The following OMA1 variants were observed in gnomAD, a reference collection of about 807,000 sequenced individuals.
OMA1 encodes metalloendopeptidase OMA1, mitochondrial.
Under a neutral mutation model 30.9 loss-of-function variants are expected in OMA1, and 38 were observed. The observed-to-expected ratio is 1.23, with a 90% CI of 0.95 to 1.61. The LOEUF (loss-of-function observed/expected upper bound fraction) is 1.61, where lower values mean the gene tolerates loss of function less well. Ranked by LOEUF, OMA1 falls within the 40% of genes most tolerant of loss-of-function variation. The probability of loss-of-function intolerance (pLI) is 0.00; values close to 1 mark genes in which losing one functional copy is unlikely to be tolerated. For missense variants in OMA1, 461 were observed against 349.2 expected (o/e 1.32, Z -2.55); for synonymous variants, 173 against 121.9 (o/e 1.42, Z -2.76).
chr1:58,484,357 T>G (rs1483972371), intron 8 of OMA1, among the ~76,000 whole-genome samples: 1 of 152,174 alleles, frequency 6.6e-6, no homozygotes, highest in Non-Finnish European at 1.5e-5. Flanking sequence ...GATCAAAGAG[T>G]AAGCACAGGT....
intron 8 of OMA1, among the ~76,000 whole-genome samples, chr1:58,483,658 T>C (rs904360167): frequency 6.6e-6 from 1 of 152,186 alleles, no homozygotes; most frequent in African/African-American, 2.4e-5. Context: ...CTATAGCACT[T>C]ACAGCACTTA....
At chr1:58,487,098 C>T (rs888490038) in intron 8 of OMA1, among the ~76,000 whole-genome samples, 1 of 152,126 alleles carries the variant, frequency 6.6e-6, no homozygotes, top group African/African-American at 2.4e-5. Context: ...AACGTGACAT[C>T]GTGAGGTGAA....
intron 7 of OMA1, among the ~76,000 whole-genome samples, chr1:58,520,707 T>C (rs1646248142): frequency 6.6e-6 from 1 of 152,086 alleles, no homozygotes; most frequent in South Asian, 2.1e-4. Flanking sequence ...GCAAGAAGTA[T>C]TACTAGAGAC....
At chr1:58,489,439 G>T (rs1405254718) in intron 8 of OMA1, among the ~76,000 whole-genome samples, 1 of 152,200 alleles carries the variant, frequency 6.6e-6, no homozygotes, top group African/African-American at 2.4e-5. Context: ...AAACAAAGCA[G>T]CTGGGAAGCT....
chr1:58,491,093 C>A (rs1645679694), intron 8 of OMA1, among the ~76,000 whole-genome samples: 1 of 152,146 alleles, frequency 6.6e-6, no homozygotes, highest in East Asian at 1.9e-4. Flanking sequence ...AGGCGTGAAC[C>A]ACTGCACCCG....
intron 2 of OMA1, among the ~76,000 whole-genome samples, chr1:58,537,872 T>C (rs1193542407): frequency 6.6e-6 from 1 of 152,126 alleles, no homozygotes; most frequent in Non-Finnish European, 1.5e-5. Flanking sequence ...TTTTAGGTGA[T>C]CAACAATAGT....
At chr1:58,504,758 A>C (rs1645960224) in intron 8 of OMA1, among the ~76,000 whole-genome samples, 1 of 152,202 alleles carries the variant, frequency 6.6e-6, no homozygotes, top group Non-Finnish European at 1.5e-5. Flanking sequence ...ATCTTCCTTC[A>C]AACTGCATAC....
intron 5 of OMA1, among the ~76,000 whole-genome samples, chr1:58,531,796 G>T (rs753336192): frequency 6.6e-6 from 1 of 151,766 alleles, no homozygotes; most frequent in East Asian, 1.9e-4. Flanking sequence ...TGCAACCTCC[G>T]CCTCCAGGTT....
At chr1:58,544,797 T>C (rs1198398774) in intron 1 of OMA1, among the ~76,000 whole-genome samples, 1 of 152,200 alleles carries the variant, frequency 6.6e-6, no homozygotes, top group African/African-American at 2.4e-5. Flanking sequence ...TTTCGGCAAA[T>C]TGCCCAGGCT....
intron 8 of OMA1, among the ~76,000 whole-genome samples, chr1:58,488,526 A>G (rs1050081440): frequency 2.6e-5 from 4 of 152,152 alleles, no homozygotes; most frequent in African/African-American, 9.7e-5. Context: ...ATCTCAGATC[A>G]CTGCAACCTC....
chr1:58,519,197 T>C (rs945041389), intron 7 of OMA1, among the ~76,000 whole-genome samples: 2 of 152,232 alleles, frequency 1.3e-5, no homozygotes, highest in African/African-American at 4.8e-5. Context: ...TACTCCCTTT[T>C]CCACTGCCAA....
chr1:58,542,508 A>G (rs1463109918), intron 1 of OMA1: 3 of 152,232 alleles, frequency 2.0e-5, no homozygotes, highest in Non-Finnish European at 2.9e-5. Flanking sequence ...AAAGACATCC[A>G]TGAGTAGCTG....
At chr1:58,495,610 T>A (rs1645786437) in intron 8 of OMA1, among the ~76,000 whole-genome samples, 1 of 152,122 alleles carries the variant, frequency 6.6e-6, no homozygotes. Context: ...AATTCCTGAT[T>A]GTCAGTAGAT....
intron 5 of OMA1, among the ~76,000 whole-genome samples, chr1:58,532,785 C>T (rs1049871102): frequency 1.2e-4 from 18 of 152,194 alleles, no homozygotes; most frequent in Admixed American, 8.5e-4. Context: ...CTCAGCCTCT[C>T]AAAGTGCTGG....
chr1:58,488,273 T>C (rs897757188), intron 8 of OMA1, among the ~76,000 whole-genome samples: 6 of 152,232 alleles, frequency 3.9e-5, no homozygotes, highest in Non-Finnish European at 7.3e-5. Context: ...TTTTGTTATA[T>C]TAATTTTACT....
At chr1:58,528,405 T>A (rs993779897) in intron 6 of OMA1, among the ~76,000 whole-genome samples, 1 of 152,196 alleles carries the variant, frequency 6.6e-6, no homozygotes, top group Non-Finnish European at 1.5e-5. Flanking sequence ...GGGGATTAAA[T>A]GAACAAAAAT....
intron 8 of OMA1, 56 bp from the exon 9 acceptor site, chr1:58,481,230 A>C: frequency 1.7e-6 from 1 of 583,072 alleles, no homozygotes; most frequent in Non-Finnish European, 2.9e-6. Context: ...ATGTATTCAG[A>C]TTGTTTCAGT....
intron 8 of OMA1, among the ~76,000 whole-genome samples, chr1:58,494,089 A>G (rs1645750246): frequency 6.6e-6 from 1 of 152,210 alleles, no homozygotes; most frequent in African/African-American, 2.4e-5. Context: ...ATTGGAACAG[A>G]ACAGAGCCCT....
intron 7 of OMA1, among the ~76,000 whole-genome samples, chr1:58,511,886 A>G (rs1646083091): frequency 6.6e-6 from 1 of 151,844 alleles, no homozygotes; most frequent in South Asian, 2.1e-4. Context: ...TATGACACCA[A>G]AAGCACGGGA....
Sources: allele counts gnomAD v4.1 joint callset (sites outside exome capture counted in the v4.1 genomes callset), GRCh38; gene constraint gnomAD v4.1.1; transcripts MANE v1.5; gene names NCBI Gene and HGNC (gene_info 2026-07-23, HGNC 2026-07-21).